The following CTIF variants were observed in gnomAD, a reference collection of about 807,000 sequenced individuals.
CTIF encodes the protein cap binding complex dependent translation initiation factor.
CTIF carries 21 observed loss-of-function variants against 66.0 expected under a neutral mutation model. The ratio of observed to expected loss-of-function variants is 0.32; its 90% CI spans 0.23 to 0.46. The LOEUF (loss-of-function observed/expected upper bound fraction) is 0.46. Ranked by LOEUF, CTIF falls within the 20% of genes least tolerant of loss-of-function variation. CTIF has a pLI of 1.00. For missense variants in CTIF, 739 were observed against 812.7 expected, an observed-to-expected ratio of 0.91 and a Z score of 1.10; for synonymous variants, 345 against 326.4, an observed-to-expected ratio of 1.06 and a Z score of -0.62.
chr18:48,569,508 C>G (rs1483030939), intron 1 of CTIF, among the ~76,000 whole-genome samples: 1 of 152,010 alleles, frequency 6.6e-6, no homozygotes. Flanking sequence ...CAAAAAATTT[C>G]TATTAACTTG....
chr18:48,636,739 G>T, intron 3 of CTIF, 54 bp downstream of exon 3: 1 of 1,413,464 alleles, frequency 7.1e-7, no homozygotes, highest in Non-Finnish European at 9.4e-7. Flanking sequence ...TTGTCTGCCT[G>T]GGTTCCTGGG....
chr18:48,715,386 A>T (rs1042186361), intron 7 of CTIF, among the ~76,000 whole-genome samples: 1 of 152,238 alleles, frequency 6.6e-6, no homozygotes, highest in Non-Finnish European at 1.5e-5. Flanking sequence ...AAAATTATGC[A>T]TTTTGTGACA....
At position 48,606,964 on chromosome 18, in the gene CTIF, T is replaced by C. The variant is rs1169439091; in HGVS notation, c.-28-12574T>C. On this transcript the variant is annotated intron_variant, in intron 1 of 11. Transcript: ENST00000256413. The stretch of plus-strand genomic sequence containing the variant: ...AATTCTCAATAAACACAGGTATTTA[T>C]TATCTTTTATATATTTGGGGGGAGT... Among the ~76,000 whole-genome samples, 5 of 152,220 alleles carry C rather than the reference T, an allele frequency of 3.3e-5. No individual in the cohort carries two copies. In the East Asian group the frequency reaches 9.6e-4, roughly 29 times the overall value.
Position 48,758,337 on chromosome 18 carries a change from G to A in CTIF, c.1003G>A (p.Gly335Arg), listed in dbSNP as rs560347662. The A allele has an allele frequency of 5.5e-5, 89 of 1,612,332 alleles. No homozygotes were observed. In the East Asian group the frequency reaches 9.6e-4, roughly 17 times the overall value. ...RKDSILPERI[G>R]ERPKITLLQS... is the part of the protein sequence containing the mutation. ...AGACAGTATTCTTCCCGAGCGCATC[G>A]GGGAGCGGCCCAAAATTACCCTGCT... is the stretch of plus-strand genomic sequence containing the variant. The change falls in exon 8 of 12, where the codon GGG becomes AGG. Residue 335 changes from glycine (G) to arginine (R), a missense_variant. This residue lies in a region of CTIF where 529 missense variants were observed against 520.3 expected (regional missense o/e 1.02). Transcript: ENST00000256413.
At chr18:48,840,498 G>A (rs1012987460) in intron 10 of CTIF, among the ~76,000 whole-genome samples, 3 of 152,164 alleles carry the variant, frequency 2.0e-5, no homozygotes, top group Admixed American at 2.0e-4. Context: ...CTAAGGGTAA[G>A]GCTCTAAAGC....
intron 9 of CTIF, among the ~76,000 whole-genome samples, chr18:48,768,385 G>A (rs1325628530): frequency 6.6e-6 from 1 of 152,146 alleles, no homozygotes; most frequent in African/African-American, 2.4e-5. Context: ...ATCAGTCATG[G>A]GTACCAATGC....
At chr18:48,568,900 C>T (rs2089346757) in intron 1 of CTIF, among the ~76,000 whole-genome samples, 1 of 152,148 alleles carries the variant, frequency 6.6e-6, no homozygotes, top group Non-Finnish European at 1.5e-5. Flanking sequence ...GGGTCCCTCC[C>T]ATGACAAGTG....
chr18:48,739,465 C>T (rs12969405), intron 7 of CTIF, among the ~76,000 whole-genome samples: 1 of 152,056 alleles, frequency 6.6e-6, no homozygotes, highest in South Asian at 2.1e-4. Context: ...TGGTGGGACG[C>T]GCCACAGTAC....
At chr18:48,800,998 C>G (rs1467962750) in intron 9 of CTIF, among the ~76,000 whole-genome samples, 1 of 152,240 alleles carries the variant, frequency 6.6e-6, no homozygotes, top group East Asian at 1.9e-4. Context: ...TCACCCATCC[C>G]CACAGGTGGC....
At chr18:48,764,176 C>G (rs1370534334) in intron 9 of CTIF, among the ~76,000 whole-genome samples, 2 of 152,216 alleles carry the variant, frequency 1.3e-5, no homozygotes, top group Non-Finnish European at 2.9e-5. Context: ...CCAGGAAACA[C>G]TGGCCCTTCT....
At chr18:48,771,789 C>T (rs985907066) in intron 9 of CTIF, among the ~76,000 whole-genome samples, 3 of 152,176 alleles carry the variant, frequency 2.0e-5, no homozygotes, top group Admixed American at 6.5e-5. Flanking sequence ...GCAGATCCTT[C>T]CCCCCAGCTC....
chr18:48,746,283 C>T (rs575482980), intron 7 of CTIF, among the ~76,000 whole-genome samples: 112 of 152,074 alleles, frequency 7.4e-4, no homozygotes, highest in African/African-American at 2.6e-3. Flanking sequence ...ACCCATGACA[C>T]CTGCCTGCTC....
At chr18:48,667,459 G>A (rs188031848) in intron 5 of CTIF, among the ~76,000 whole-genome samples, 133 of 152,294 alleles carry the variant, frequency 8.7e-4, no homozygotes, top group African/African-American at 3.1e-3. Context: ...AGCTGGTGAC[G>A]TCAGTGGGGA....
intron 10 of CTIF, among the ~76,000 whole-genome samples, chr18:48,841,828 G>A (rs1599146892): frequency 2.0e-5 from 3 of 151,890 alleles, no homozygotes; most frequent in Non-Finnish European, 4.4e-5. Context: ...GGAGGGCAGG[G>A]TGGCTCTCAG....
At chr18:48,569,859 G>A (rs1329901077) in intron 1 of CTIF, among the ~76,000 whole-genome samples, 2 of 152,202 alleles carry the variant, frequency 1.3e-5, no homozygotes, top group Non-Finnish European at 2.9e-5. Flanking sequence ...CCCTCCTGCT[G>A]TCCTAGGACA....
chr18:48,838,479 T>C (rs1463569346), intron 10 of CTIF, among the ~76,000 whole-genome samples: 1 of 152,010 alleles, frequency 6.6e-6, no homozygotes, highest in Admixed American at 6.5e-5. Context: ...AGGAAATATA[T>C]AGATTGATTT....
chr18:48,630,265 C>G (rs886385347), intron 2 of CTIF, among the ~76,000 whole-genome samples: 1 of 150,182 alleles, frequency 6.7e-6, no homozygotes, highest in Non-Finnish European at 1.5e-5. Flanking sequence ...CAGGCATCCA[C>G]TAGGGAATCT....
chr18:48,686,621 C>G (rs948304920), intron 6 of CTIF, among the ~76,000 whole-genome samples: 2 of 152,182 alleles, frequency 1.3e-5, no homozygotes, highest in Non-Finnish European at 2.9e-5. Context: ...CAGAAATAAA[C>G]TTTGAATCTT....
At chr18:48,754,561 G>A (rs1908160774) in intron 7 of CTIF, among the ~76,000 whole-genome samples, 2 of 152,198 alleles carry the variant, frequency 1.3e-5, no homozygotes, top group African/African-American at 4.8e-5. Context: ...CCCTCCCAGG[G>A]CTCACCCAGC....
Sources: gnomAD v4.1 joint callset for allele counts (sites outside exome capture counted in the v4.1 genomes callset) on GRCh38, gnomAD v4.1.1 for gene constraint, gnomAD v4.1.1 regional missense constraint, MANE v1.5 for transcripts, NCBI Gene and HGNC (gene_info 2026-07-23, HGNC 2026-07-21) for gene names.